Variants in LSAMP observed in about 807,000 individuals in gnomAD.
LSAMP encodes limbic system associated membrane protein.
Under a neutral mutation model 38.6 loss-of-function variants are expected in LSAMP, and 7 were observed. That is an observed-to-expected ratio of 0.18 (90% confidence interval 0.10 to 0.34). LSAMP has a LOEUF of 0.34. Ranked by LOEUF, LSAMP falls within the 10% of genes least tolerant of loss-of-function variation. The pLI is 1.00. For synonymous variants in LSAMP, 154 were observed against 166.8 expected, an observed-to-expected ratio of 0.92 and a Z score of 0.59; for missense variants, 313 against 420.0, an observed-to-expected ratio of 0.75 and a Z score of 2.23.
intron 3 of LSAMP, among the ~76,000 whole-genome samples, chr3:115,885,993 G>C (rs1296909194): frequency 1.3e-5 from 2 of 151,922 alleles, no homozygotes; most frequent in African/African-American, 4.8e-5. Flanking sequence ...GTTTCTTTAA[G>C]TCTTTGGCAA....
At chr3:116,406,947 A>G (rs2048905422) in intron 1 of LSAMP, among the ~76,000 whole-genome samples, 1 of 152,078 alleles carries the variant, frequency 6.6e-6, no homozygotes, top group African/African-American at 2.4e-5. Context: ...GAAAATAAAA[A>G]AGACAAGTGA....
chr3:116,300,582 G>A (rs566382905), intron 1 of LSAMP, among the ~76,000 whole-genome samples: 24 of 152,172 alleles, frequency 1.6e-4, no homozygotes, highest in Non-Finnish European at 3.1e-4. Context: ...GATCCTCATA[G>A]GAGCGTGAAC....
At chr3:116,013,964 A>G (rs1940404147) in intron 3 of LSAMP, among the ~76,000 whole-genome samples, 1 of 152,054 alleles carries the variant, frequency 6.6e-6, no homozygotes, top group Non-Finnish European at 1.5e-5. Flanking sequence ...TTCTCAGGTG[A>G]GCTTTGCTGG....
At position 115,812,811 on chromosome 3, in the gene LSAMP, T is replaced by A. The variant is rs370093483; in HGVS notation, c.920-2397A>T. Among the ~76,000 whole-genome samples the A allele has an allele frequency of 3.3e-5, 5 of 152,328 alleles. No individual in the cohort carries two copies. The South Asian group carries it at 6.2e-4, about 19-fold the overall frequency. ...CATTTTTAGTGCAAGGACAGGCTAG[T>A]TTATCTTGTAGACATCCTGGAGCTG... is the stretch of plus-strand genomic sequence containing the variant. On this transcript the variant is annotated intron_variant, in intron 6 of 6. Coordinates refer to ENST00000490035, the MANE Select transcript of LSAMP (RefSeq NM_002338.5).
At chr3:116,207,459 G>T (rs2046086520) in intron 1 of LSAMP, among the ~76,000 whole-genome samples, 1 of 148,762 alleles carries the variant, frequency 6.7e-6, no homozygotes, top group Admixed American at 6.7e-5. Flanking sequence ...GATGTTAGCT[G>T]GTGATTTTGC....
chr3:115,997,738 A>G (rs1210484034), intron 3 of LSAMP, among the ~76,000 whole-genome samples: 1 of 138,484 alleles, frequency 7.2e-6, no homozygotes, highest in Non-Finnish European at 1.5e-5. Context: ...ATATATATAT[A>G]TATATATATA....
chr3:115,887,928 C>G (rs911779243), intron 3 of LSAMP, among the ~76,000 whole-genome samples: 1 of 151,820 alleles, frequency 6.6e-6, no homozygotes, highest in South Asian at 2.1e-4. Context: ...ATATTTTTAC[C>G]ATTAAATATA....
chr3:116,220,395 A>AC (rs2046269524), intron 1 of LSAMP, among the ~76,000 whole-genome samples: 5 of 146,962 alleles, frequency 3.4e-5, no homozygotes, highest in African/African-American at 1.2e-4. Flanking sequence ...ACACACACAC[A>AC]AAAGATACTT....
chr3:115,857,613 T>C (rs1935549065), intron 3 of LSAMP, among the ~76,000 whole-genome samples: 2 of 152,214 alleles, frequency 1.3e-5, no homozygotes, highest in African/African-American at 2.4e-5. Flanking sequence ...CTGAGTGTTA[T>C]GTTTATTCTG....
chr3:115,890,033 A>G (rs1280551566), intron 3 of LSAMP, among the ~76,000 whole-genome samples: 1 of 151,960 alleles, frequency 6.6e-6, no homozygotes, highest in Non-Finnish European at 1.5e-5. Context: ...GTAAACAAAT[A>G]AAAAACTCAA....
intron 3 of LSAMP, among the ~76,000 whole-genome samples, chr3:115,902,086 C>G (rs1427662385): frequency 6.6e-6 from 1 of 151,980 alleles, no homozygotes; most frequent in East Asian, 1.9e-4. Context: ...CAAATCAACT[C>G]TTGTGCATTT....
chr3:116,312,484 T>C (rs969437253), intron 1 of LSAMP, among the ~76,000 whole-genome samples: 2 of 152,230 alleles, frequency 1.3e-5, no homozygotes, highest in African/African-American at 4.8e-5. Flanking sequence ...CTTCCCCCTT[T>C]CCATTCTGAG....
At chr3:116,101,105 G>T (rs893213562) in intron 1 of LSAMP, among the ~76,000 whole-genome samples, 10 of 152,108 alleles carry the variant, frequency 6.6e-5, no homozygotes, top group Non-Finnish European at 1.3e-4. Context: ...ACACAAAGAA[G>T]TTTCTAGATA....
At chr3:116,010,365 A>G (rs1189183230) in intron 3 of LSAMP, among the ~76,000 whole-genome samples, 1 of 152,264 alleles carries the variant, frequency 6.6e-6, no homozygotes, top group Non-Finnish European at 1.5e-5. Context: ...TTTCCCTGGA[A>G]TAACTAATTC....
At chr3:115,887,702 A>T (rs546120595) in intron 3 of LSAMP, among the ~76,000 whole-genome samples, 61 of 152,020 alleles carry the variant, frequency 4.0e-4, no homozygotes, top group Non-Finnish European at 5.9e-5. Context: ...ATGAATTATC[A>T]GTTTAGCAGG....
chr3:115,990,084 T>G lies in LSAMP; in HGVS notation c.514+29431A>C, dbSNP rs112080969. On this transcript the variant is annotated intron_variant, in intron 3 of 6. Transcript: ENST00000490035. ...CATACAAAAGAGATATGAGTAAAGA[T>G]CAGGAGAATCTAGTTCTTAACCAGC... Among the ~76,000 whole-genome samples the G allele has an allele frequency of 8.7e-3, 1,324 of 152,126 alleles. 21 individuals are homozygous for G. Among genetic ancestry groups the G allele is most frequent in the African/African-American group, 0.03 (1,226 of 41,538 alleles).
At chr3:116,420,684 A>G (rs2049109911) in intron 1 of LSAMP, among the ~76,000 whole-genome samples, 1 of 151,904 alleles carries the variant, frequency 6.6e-6, no homozygotes, top group South Asian at 2.1e-4. Context: ...CAGCCTGGCC[A>G]ACATGGTGAA....
chr3:115,852,733 T>A, intron 3 of LSAMP, 116 bp from the exon 4 acceptor site: 1 of 1,053,274 alleles, frequency 9.5e-7, no homozygotes, highest in Non-Finnish European at 1.3e-6. Context: ...TTTGAAAATG[T>A]ACTTTGTCTG....
chr3:116,407,583 C>T (rs560269287), intron 1 of LSAMP, among the ~76,000 whole-genome samples: 75 of 152,092 alleles, frequency 4.9e-4, no homozygotes, highest in African/African-American at 1.6e-3. Context: ...TGCATAAAAG[C>T]GAATGGTGAC....
Sources: gnomAD v4.1 joint callset for allele counts (sites outside exome capture counted in the v4.1 genomes callset) on GRCh38, gnomAD v4.1.1 for gene constraint, MANE v1.5 for transcripts, NCBI Gene and HGNC (gene_info 2026-07-23, HGNC 2026-07-21) for gene names.